MAN1A2: variants seen among roughly 807,000 people sequenced by gnomAD.
The protein encoded by MAN1A2 is mannosyl-oligosaccharide 1,2-alpha-mannosidase IB.
In MAN1A2, 26 loss-of-function variants were observed where a neutral mutation model predicts 75.7. The ratio of observed to expected loss-of-function variants is 0.34; its 90% CI spans 0.25 to 0.48. MAN1A2 has a LOEUF of 0.48. Ranked by LOEUF, MAN1A2 falls within the 20% of genes least tolerant of loss-of-function variation. MAN1A2 has a pLI of 0.99. For synonymous variants in MAN1A2, 247 were observed against 264.6 expected (o/e 0.93, Z 0.65); for missense variants, 562 against 775.5 (o/e 0.72, Z 3.27).
At chr1:117,510,517 A>G (rs901262338) in intron 12 of MAN1A2, among the ~76,000 whole-genome samples, 1 of 152,060 alleles carries the variant, frequency 6.6e-6, no homozygotes, top group African/African-American at 2.4e-5. Context: ...AAAGTCAAAC[A>G]ATCAGATTCT....
chr1:117,382,301 T>G (rs543680990), intron 1 of MAN1A2, among the ~76,000 whole-genome samples: 1 of 152,214 alleles, frequency 6.6e-6, no homozygotes, highest in Non-Finnish European at 1.5e-5. Flanking sequence ...CTTCTAGGGT[T>G]TTTATGGTTT....
At chr1:117,404,294 A>G (rs1647541498) in intron 2 of MAN1A2, among the ~76,000 whole-genome samples, 1 of 152,158 alleles carries the variant, frequency 6.6e-6, no homozygotes, top group African/African-American at 2.4e-5. Flanking sequence ...AATGAATAGT[A>G]TGCTGTTAAA....
chr1:117,438,063 G>T (rs1648902467), intron 5 of MAN1A2, among the ~76,000 whole-genome samples: 1 of 152,176 alleles, frequency 6.6e-6, no homozygotes. Context: ...ATATGTGAGA[G>T]AGCATGTATG....
intron 8 of MAN1A2, among the ~76,000 whole-genome samples, chr1:117,476,679 G>A (rs1047310205): frequency 1.4e-4 from 21 of 151,814 alleles, no homozygotes; most frequent in South Asian, 6.2e-4. Flanking sequence ...GATGTGTAGC[G>A]TTATTTCTGA....
chr1:117,519,799 G>A (rs548828480), intron 12 of MAN1A2, among the ~76,000 whole-genome samples: 5 of 152,062 alleles, frequency 3.3e-5, no homozygotes, highest in Admixed American at 2.6e-4. Context: ...GCAAGACAGA[G>A]AAAGAAGTAA....
intron 12 of MAN1A2, among the ~76,000 whole-genome samples, chr1:117,517,239 AC>A (rs1486154113): frequency 6.6e-6 from 1 of 152,176 alleles, no homozygotes; most frequent in Non-Finnish European, 1.5e-5. Flanking sequence ...AAAAATAACT[AC>A]CACCCAACAA....
At chr1:117,390,815 G>A (rs1284938091) in intron 1 of MAN1A2, among the ~76,000 whole-genome samples, 1 of 151,366 alleles carries the variant, frequency 6.6e-6, no homozygotes, top group East Asian at 1.9e-4. Flanking sequence ...ATGAATTTCA[G>A]TCTAAGAAGT....
At chr1:117,477,184 G>A (rs1425464710) in intron 8 of MAN1A2, among the ~76,000 whole-genome samples, 2 of 151,902 alleles carry the variant, frequency 1.3e-5, no homozygotes, top group Non-Finnish European at 2.9e-5. Context: ...CAGATGCACA[G>A]CCAAATTCTA....
At position 117,471,517 on chromosome 1, in the gene MAN1A2, G is replaced by T. The variant is rs1415441256; in HGVS notation, c.1168+5090G>T. On this transcript the variant is annotated intron_variant, in intron 8 of 12. Transcript: ENST00000356554. ...ATCAAAAGGACCTTAGAGTGACATG[G>T]TTTATCAAATTTGACATGTAGGCAT... 4.0e-5 allele frequency among the ~76,000 whole-genome samples: 6 copies of T among 151,896 alleles called. No individual in the cohort carries two copies. The South Asian group carries it at 6.2e-4, about 16-fold the overall frequency.
In MAN1A2 at chr1:117,368,431, G is replaced by A. The variant is rs1413600581; in HGVS notation, c.248G>A (p.Gly83Glu). Residue 83 changes from glycine (G) to glutamate (E), a missense_variant, in exon 1 of 13, where the codon GGG (glycine) becomes GAG (glutamate). Physicochemically the swap from Gly to Glu is moderately conservative, Grantham distance 98. This residue lies in a region of MAN1A2 where 128 missense variants were observed against 129.8 expected (regional missense o/e 0.99). Transcript: ENST00000356554. ...ATTCCACATGTAGATGCCGGTAAAGGGGCTAAAAACCCCGGAGTCTTCCTG... is the reference window on the plus strand; with the variant it reads ...ATTCCACATGTAGATGCCGGTAAAGAGGCTAAAAACCCCGGAGTCTTCCTG... ...VLIPHVDAGKGAKNPGVFLIH... is the reference protein window; with the variant it reads ...VLIPHVDAGKEAKNPGVFLIH... The A allele has an allele frequency of 1.9e-6, 3 of 1,613,726 alleles. No individual in the cohort carries two copies. The Admixed American group carries it at 5.0e-5, about 27-fold the overall frequency.
chr1:117,504,531 C>G (rs1651291458), intron 12 of MAN1A2, among the ~76,000 whole-genome samples: 1 of 151,214 alleles, frequency 6.6e-6, no homozygotes, highest in Non-Finnish European at 1.5e-5. Context: ...AGGTCATCAT[C>G]TTACATAATC....
chr1:117,445,220 C>A (rs1439171470), intron 6 of MAN1A2, among the ~76,000 whole-genome samples: 1 of 152,060 alleles, frequency 6.6e-6, no homozygotes, highest in Non-Finnish European at 1.5e-5. Context: ...TATTCCTTGG[C>A]CATAATGTAT....
intron 6 of MAN1A2, among the ~76,000 whole-genome samples, chr1:117,458,524 T>TATATATATATATATATATATAA (rs373076182): frequency 1.4e-5 from 1 of 71,706 alleles, no homozygotes; most frequent in Non-Finnish European, 2.8e-5. Context: ...TATATATATA[T>TATATATATATATATATATATAA]TTTTTTTTTT....
chr1:117,400,023 G>A (rs1321815610), intron 1 of MAN1A2, among the ~76,000 whole-genome samples: 1 of 152,144 alleles, frequency 6.6e-6, no homozygotes, highest in African/African-American at 2.4e-5. Flanking sequence ...ACTCTTGGGT[G>A]TTTCTGCCTT....
intron 1 of MAN1A2, among the ~76,000 whole-genome samples, chr1:117,374,588 C>T (rs1653081243): frequency 6.6e-6 from 1 of 152,088 alleles, no homozygotes; most frequent in African/African-American, 2.4e-5. Flanking sequence ...AGAAGGAAGG[C>T]ATCATTATAT....
rs564305435 is a variant in MAN1A2, at chr1:117,485,360, TGGC to T, written c.1169-7786_1169-7784del. On this transcript the variant is annotated intron_variant, in intron 8 of 12. Transcript: ENST00000356554. ...AGATTGAACTATAACGTCACCACTG[TGGC>T]CATTCATCTTTCTTGAGACCATAAT... Among the ~76,000 whole-genome samples, 464 of 152,142 alleles carry T rather than the reference TGGC, an allele frequency of 3.0e-3. 3 individuals carry two copies. The highest frequency in any genetic ancestry group is 0.011 in the African/African-American group (443 of 41,574).
intron 7 of MAN1A2, among the ~76,000 whole-genome samples, chr1:117,465,046 G>T (rs1649940687): frequency 6.6e-6 from 1 of 152,042 alleles, no homozygotes; most frequent in Non-Finnish European, 1.5e-5. Flanking sequence ...CATCTCTGTA[G>T]AACAAGTATA....
At chr1:117,383,893 C>G (rs1653436281) in intron 1 of MAN1A2, among the ~76,000 whole-genome samples, 1 of 152,076 alleles carries the variant, frequency 6.6e-6, no homozygotes, top group Non-Finnish European at 1.5e-5. Flanking sequence ...GTAGCTGGGA[C>G]TACAGATGCA....
chr1:117,434,509 A>G (rs1182742564), intron 5 of MAN1A2, among the ~76,000 whole-genome samples: 1 of 152,214 alleles, frequency 6.6e-6, no homozygotes, highest in East Asian at 1.9e-4. Flanking sequence ...TAAAAGTAAC[A>G]GAGTAGATAC....
Sources: gnomAD v4.1 joint callset for allele counts (sites outside exome capture counted in the v4.1 genomes callset) on GRCh38, gnomAD v4.1.1 for gene constraint, gnomAD v4.1.1 regional missense constraint, MANE v1.5 for transcripts, NCBI Gene and HGNC (gene_info 2026-07-23, HGNC 2026-07-21) for gene names.